SKAP2: variants seen among roughly 807,000 people sequenced by gnomAD.
SKAP2 encodes the protein src kinase associated phosphoprotein 2.
In SKAP2, 28 loss-of-function variants were observed where a neutral mutation model predicts 54.9. That is an observed-to-expected ratio of 0.51 (90% CI 0.38 to 0.70). The LOEUF (loss-of-function observed/expected upper bound fraction) is 0.70. Among genes scored for constraint, SKAP2 ranks in the 30% least tolerant of loss-of-function variants. The pLI, the probability that SKAP2 is intolerant of heterozygous loss-of-function variation, is 0.00. For synonymous variants in SKAP2, 137 were observed against 134.3 expected, an observed-to-expected ratio of 1.02 and a Z score of -0.14; for missense variants, 356 against 424.1, an observed-to-expected ratio of 0.84 and a Z score of 1.41.
chr7:26,706,199 T>C (rs1176047389), intron 9 of SKAP2, among the ~76,000 whole-genome samples: 1 of 152,116 alleles, frequency 6.6e-6, no homozygotes, highest in African/African-American at 2.4e-5. Context: ...CATGTACCCA[T>C]AGCTAACAAG....
At chr7:26,686,170 A>T (rs574907111) in intron 10 of SKAP2, among the ~76,000 whole-genome samples, 1 of 152,178 alleles carries the variant, frequency 6.6e-6, no homozygotes, top group Non-Finnish European at 1.5e-5. Context: ...AAAGCCAAAA[A>T]AAAGAGAATC....
At chr7:26,660,842 C>T in the SKAP2 span, among the ~76,000 whole-genome samples, 3 of 151,998 alleles carry the variant, frequency 2.0e-5, no homozygotes, top group Non-Finnish European at 2.9e-5. Flanking sequence ...CAAGGAATCA[C>T]ATCACAAAGC....
At chr7:26,789,042 T>C (rs1318954575) in intron 4 of SKAP2, among the ~76,000 whole-genome samples, 1 of 152,180 alleles carries the variant, frequency 6.6e-6, no homozygotes. Flanking sequence ...AACCATTAGT[T>C]AAGTATCACT....
chr7:26,716,310 G>A (rs1444967066), intron 9 of SKAP2, among the ~76,000 whole-genome samples: 1 of 151,826 alleles, frequency 6.6e-6, no homozygotes, highest in Non-Finnish European at 1.5e-5. Flanking sequence ...GGGTTATATA[G>A]TTAGATGAAT....
intron 4 of SKAP2, among the ~76,000 whole-genome samples, chr7:26,827,703 TAAC>T (rs537196173): frequency 5.1e-4 from 77 of 152,266 alleles, no homozygotes; most frequent in African/African-American, 1.7e-3. Context: ...TTTGTAAAAA[TAAC>T]AACAACAACA....
At chr7:26,834,093 T>G (rs1784657313) in intron 4 of SKAP2, among the ~76,000 whole-genome samples, 2 of 152,162 alleles carry the variant, frequency 1.3e-5, no homozygotes, top group South Asian at 4.1e-4. Context: ...CCTGAATCAC[T>G]ACTGGGTAAA....
intron 4 of SKAP2, among the ~76,000 whole-genome samples, chr7:26,768,682 G>A (rs1392786164): frequency 6.6e-6 from 1 of 152,102 alleles, no homozygotes; most frequent in African/African-American, 2.4e-5. Context: ...GCATTTGCTT[G>A]TCTGTAAAGG....
At chr7:26,732,329 T>C (rs931536755) in intron 6 of SKAP2, among the ~76,000 whole-genome samples, 16 of 152,122 alleles carry the variant, frequency 1.1e-4, no homozygotes, top group Non-Finnish European at 1.8e-4. Flanking sequence ...TGTGTCCCAA[T>C]AAGATTTTTC....
intron 3 of SKAP2, among the ~76,000 whole-genome samples, chr7:26,851,621 C>T (rs182915107): frequency 6.6e-6 from 1 of 150,782 alleles, no homozygotes; most frequent in Non-Finnish European, 1.5e-5. Flanking sequence ...ATGTAAATGA[C>T]GAGTTAATGG....
chr7:26,790,474 C>T (rs1276519242), intron 4 of SKAP2, among the ~76,000 whole-genome samples: 6 of 152,138 alleles, frequency 3.9e-5, no homozygotes, highest in East Asian at 1.9e-4. Context: ...CTGTGAGGTA[C>T]AGTTATTTAA....
At chr7:26,730,763 A>T (rs1787806735) in intron 6 of SKAP2, among the ~76,000 whole-genome samples, 1 of 152,214 alleles carries the variant, frequency 6.6e-6, no homozygotes, top group African/African-American at 2.4e-5. Context: ...CAAGGTAAAA[A>T]GCAGTTGGCT....
chr7:26,711,206 T>C (rs1787294699), intron 9 of SKAP2, among the ~76,000 whole-genome samples: 1 of 152,214 alleles, frequency 6.6e-6, no homozygotes, highest in Non-Finnish European at 1.5e-5. Flanking sequence ...AAGGTGTGGA[T>C]AGAGGAAATA....
At chr7:26,852,192 G>C (rs753757156) in intron 3 of SKAP2, among the ~76,000 whole-genome samples, 16 of 152,052 alleles carry the variant, frequency 1.1e-4, no homozygotes, top group Non-Finnish European at 1.9e-4. Context: ...TGGAGAAAAG[G>C]CAGCACCACC....
chr7:26,706,157 C>A (rs1787151050), intron 9 of SKAP2, among the ~76,000 whole-genome samples: 1 of 152,230 alleles, frequency 6.6e-6, no homozygotes, highest in African/African-American at 2.4e-5. Context: ...TATAATCATA[C>A]TATTTATATT....
intron 3 of SKAP2, among the ~76,000 whole-genome samples, chr7:26,845,127 T>C (rs1439120093): frequency 1.3e-5 from 2 of 152,124 alleles, no homozygotes; most frequent in African/African-American, 4.8e-5. Context: ...ACCTCAGGGA[T>C]TACCCTTAAA....
chr7:26,841,397 T>G (rs758606032), intron 4 of SKAP2, among the ~76,000 whole-genome samples: 26 of 152,016 alleles, frequency 1.7e-4, no homozygotes, highest in Admixed American at 5.9e-4. Context: ...GTTTGGAAAC[T>G]TTCTTTTTGT....
chr7:26,724,753 CT>C (rs1787661818), intron 9 of SKAP2, among the ~76,000 whole-genome samples: 1 of 152,030 alleles, frequency 6.6e-6, no homozygotes, highest in African/African-American at 2.4e-5. Flanking sequence ...TTTCAGATGT[CT>C]TTTTATTTTA....
intron 4 of SKAP2, among the ~76,000 whole-genome samples, chr7:26,823,489 TTGAG>T (rs1264700109): frequency 2.0e-5 from 3 of 151,184 alleles, no homozygotes; most frequent in Non-Finnish European, 4.4e-5. Flanking sequence ...TGGAGAAACT[TTGAG>T]TGGTCTGGCT....
At chr7:26,699,157 T>C (rs1786966865) in intron 9 of SKAP2, among the ~76,000 whole-genome samples, 1 of 152,342 alleles carries the variant, frequency 6.6e-6, no homozygotes, top group East Asian at 1.9e-4. Context: ...GATTCCACAT[T>C]GTACCAGCTT....
Sources: allele counts gnomAD v4.1 joint callset (sites outside exome capture counted in the v4.1 genomes callset), GRCh38; gene constraint gnomAD v4.1.1; transcripts MANE v1.5; gene names NCBI Gene and HGNC (gene_info 2026-07-23, HGNC 2026-07-21).